The following SRGAP3 variants were observed in gnomAD, a reference collection of about 807,000 sequenced individuals.
The protein encoded by SRGAP3 is SLIT-ROBO Rho GTPase-activating protein 3.
SRGAP3 carries 39 observed loss-of-function variants against 121.1 expected under a neutral mutation model. The ratio of observed to expected loss-of-function variants is 0.32; its 90% CI spans 0.25 to 0.42. The LOEUF (loss-of-function observed/expected upper bound fraction) is 0.42, where lower values mean the gene tolerates loss of function less well. Ranked by LOEUF, SRGAP3 falls within the 10% of genes least tolerant of loss-of-function variation. The pLI is 1.00. For synonymous variants in SRGAP3, 601 were observed against 570.0 expected (o/e 1.05, Z -0.77); for missense variants, 1,213 against 1,470.6 (o/e 0.82, Z 2.86).
At chr3:9,042,421 C>T (rs1253440440) in intron 10 of SRGAP3, among the ~76,000 whole-genome samples, 4 of 141,016 alleles carry the variant, frequency 2.8e-5, no homozygotes, top group African/African-American at 8.3e-5. Context: ...AAGAAAGAAT[C>T]GAGCATTTTA....
At chr3:9,306,188 T>C (rs958310699) in intron 3 of SRGAP3, among the ~76,000 whole-genome samples, 1 of 152,190 alleles carries the variant, frequency 6.6e-6, no homozygotes, top group African/African-American at 2.4e-5. Flanking sequence ...TTTTCATGTG[T>C]TTTTTGGCTG....
chr3:9,183,843 C>T (rs953968851), intron 1 of SRGAP3, among the ~76,000 whole-genome samples: 1 of 151,576 alleles, frequency 6.6e-6, no homozygotes, highest in Non-Finnish European at 1.5e-5. Context: ...CTAGCCTTAA[C>T]CCCCAGCCCC....
chr3:9,223,853 G>T (rs1406569380), intron 1 of SRGAP3, among the ~76,000 whole-genome samples: 1 of 152,166 alleles, frequency 6.6e-6, no homozygotes, highest in South Asian at 2.1e-4. Context: ...TAATGGGAAG[G>T]GTTGCTGTGA....
At chr3:9,253,024 G>A (rs1198162653), upstream of SRGAP3, among the ~76,000 whole-genome samples, 1 of 152,150 alleles carries the variant, frequency 6.6e-6, no homozygotes, top group African/African-American at 2.4e-5. Context: ...AGTTCTCCCT[G>A]CACACAAGCA....
chr3:9,193,928 A>G (rs1476984912), intron 1 of SRGAP3: 1 of 152,380 alleles, frequency 6.6e-6, no homozygotes, highest in African/African-American at 2.4e-5. Flanking sequence ...GGAAACGCTC[A>G]TTAGCAGCCT....
At chr3:9,187,672 G>C (rs1951640053) in intron 1 of SRGAP3, among the ~76,000 whole-genome samples, 1 of 152,142 alleles carries the variant, frequency 6.6e-6, no homozygotes, top group Non-Finnish European at 1.5e-5. Context: ...GTTGCTTCTT[G>C]CTGACAGGGC....
intron 3 of SRGAP3, among the ~76,000 whole-genome samples, chr3:9,275,128 T>A (rs903532650): frequency 6.6e-6 from 1 of 152,226 alleles, no homozygotes; most frequent in Non-Finnish European, 1.5e-5. Context: ...ATGTCTATTT[T>A]ACTGAAAAAT....
chr3:8,994,542 A>C lies in SRGAP3; in HGVS notation c.2228-19T>G. On this transcript the variant is annotated intron_variant, in intron 18 of 21. Transcript: ENST00000383836. ...TCCACTTCTGGAAGGAAATCAAGGG[A>C]AAAAGCGTCTCTGAGGTCAGCAAAG... 6.2e-7 allele frequency: 1 copy of C among 1,611,086 alleles called. No homozygotes were observed. Among genetic ancestry groups the C allele is most frequent in the Admixed American group, 1.7e-5 (1 of 60,024 alleles).
chr3:9,068,555 C>T (rs1436683674), intron 4 of SRGAP3, among the ~76,000 whole-genome samples: 2 of 151,630 alleles, frequency 1.3e-5, no homozygotes, highest in South Asian at 2.1e-4. Context: ...ACTCCACTGC[C>T]GAGGGTGACT....
intron 8 of SRGAP3, among the ~76,000 whole-genome samples, 180 bp from the exon 9 acceptor site, chr3:9,053,404 A>T (rs528677526): frequency 2.6e-5 from 4 of 152,326 alleles, no homozygotes; most frequent in African/African-American, 9.6e-5. Context: ...ACCAACCCAA[A>T]ATCACACAGC....
At chr3:9,208,209 A>C (rs1253099143) in intron 1 of SRGAP3, among the ~76,000 whole-genome samples, 1 of 151,890 alleles carries the variant, frequency 6.6e-6, no homozygotes, top group Non-Finnish European at 1.5e-5. Context: ...ATGGGTTTTG[A>C]CCATATCCTT....
rs1358303634 is a variant in SRGAP3 at position 9,321,975 on chromosome 3, A to AAAT, written n.442+4032_442+4034dup. 1.4e-3 allele frequency among the ~76,000 whole-genome samples: 204 copies of AAAT among 151,044 alleles called. 1 individual carries two copies. Among genetic ancestry groups the AAAT allele is most frequent in the Admixed American group, 4.3e-3 (65 of 15,226 alleles). On this transcript the variant is annotated intron_variant and non_coding_transcript_variant, in intron 3 of 3. Transcript: ENST00000490889. The stretch of plus-strand genomic sequence containing the variant: ...CACTGAACCTGAAATACAACTTAAA[A>AAAT]AATAATAATAATAATAATAATAAAT...
chr3:9,173,986 C>G, intron 1 of SRGAP3, among the ~76,000 whole-genome samples: 1 of 150,518 alleles, frequency 6.6e-6, no homozygotes, highest in East Asian at 1.9e-4. Flanking sequence ...CATAATGTGT[C>G]CATCGACGGA....
At chr3:9,199,234 G>A (rs1314899272) in intron 1 of SRGAP3, among the ~76,000 whole-genome samples, 4 of 152,176 alleles carry the variant, frequency 2.6e-5, no homozygotes, top group Non-Finnish European at 2.9e-5. Context: ...ACACTCCCGC[G>A]ACTCACTCAC....
intron 14 of SRGAP3, among the ~76,000 whole-genome samples, chr3:9,024,386 G>A (rs1447165656): frequency 6.6e-6 from 1 of 152,196 alleles, no homozygotes; most frequent in Admixed American, 6.5e-5. Flanking sequence ...TAGAATCAGG[G>A]AGCAGGATTG....
At chr3:9,000,838 T>C (rs1306713822) in intron 18 of SRGAP3, among the ~76,000 whole-genome samples, 2 of 152,066 alleles carry the variant, frequency 1.3e-5, no homozygotes, top group African/African-American at 4.8e-5. Flanking sequence ...CAGCAATTAG[T>C]AGAGATTAAC....
intron 1 of SRGAP3, among the ~76,000 whole-genome samples, chr3:9,358,816 T>C (rs1044700683): frequency 6.6e-6 from 1 of 152,010 alleles, no homozygotes; most frequent in African/African-American, 2.4e-5. Flanking sequence ...TTACAAAGGA[T>C]ACAGATGAAG....
At chr3:9,180,462 G>GACCACAT (rs1384652455) in intron 1 of SRGAP3, among the ~76,000 whole-genome samples, 13 of 152,108 alleles carry the variant, frequency 8.5e-5, no homozygotes, top group African/African-American at 2.9e-4. Flanking sequence ...AGAAGCAGGC[G>GACCACAT]ACCACATCGT....
chr3:8,993,278 A>T lies in SRGAP3; in HGVS notation c.2409-223T>A, dbSNP rs559252617. Among the ~76,000 whole-genome samples, 29 of 152,244 alleles carry T rather than the reference A, an allele frequency of 1.9e-4. 1 individual carries two copies. The South Asian group carries it at 6.0e-3, about 32-fold the overall frequency. On this transcript the variant is annotated intron_variant, in intron 19 of 21. Coordinates refer to ENST00000383836, the MANE Select transcript of SRGAP3 (RefSeq NM_014850.4). ...CAGCTGGGACCCTCTTCTGTCCCAC[A>T]CCTACCTCCTCCTTTTTTCTCTTCT...
Sources: allele counts gnomAD v4.1 joint callset (sites outside exome capture counted in the v4.1 genomes callset), GRCh38; gene constraint gnomAD v4.1.1; transcripts MANE v1.5; gene names NCBI Gene and HGNC (gene_info 2026-07-23, HGNC 2026-07-21).